Variants in ANK3 observed in about 807,000 individuals in gnomAD.
ANK3 encodes the protein ankyrin 3.
Under a neutral mutation model 370.9 loss-of-function variants are expected in ANK3, and 57 were observed. That is an observed-to-expected ratio of 0.15 (90% CI 0.12 to 0.19). The LOEUF is 0.19. Ranked by LOEUF, ANK3 falls within the 10% of genes least tolerant of loss-of-function variation. ANK3 has a pLI of 1.00. For missense variants in ANK3, 4,439 were observed against 5,302.1 expected, an observed-to-expected ratio of 0.84 and a Z score of 5.06; for synonymous variants, 1,929 against 1,946.3, an observed-to-expected ratio of 0.99 and a Z score of 0.23.
At chr10:60,563,922 A>T (rs966865636) in intron 2 of ANK3, among the ~76,000 whole-genome samples, 2 of 152,226 alleles carry the variant, frequency 1.3e-5, no homozygotes, top group African/African-American at 4.8e-5. Flanking sequence ...TGAAATTCTG[A>T]TATCAAGAAG....
intron 1 of ANK3, chr10:60,615,304 C>T (rs1424507437): frequency 5.2e-6 from 5 of 956,026 alleles, no homozygotes; most frequent in African/African-American, 3.4e-5. Context: ...TACACATGCA[C>T]ATTATTAATT....
At chr10:60,390,662 C>T (rs978121543), upstream of ANK3, among the ~76,000 whole-genome samples, 44 of 150,990 alleles carry the variant, frequency 2.9e-4, no homozygotes, top group African/African-American at 9.7e-4. Context: ...TCACAGTAAG[C>T]GCTTTAGCAA....
At chr10:60,202,626 G>T (rs2096701475) in intron 12 of ANK3, among the ~76,000 whole-genome samples, 1 of 152,070 alleles carries the variant, frequency 6.6e-6, no homozygotes, top group Non-Finnish European at 1.5e-5. Context: ...TAACAATAAG[G>T]CCGGGCATGG....
chr10:60,242,265 C>T (rs1304827956), intron 7 of ANK3, among the ~76,000 whole-genome samples: 1 of 152,134 alleles, frequency 6.6e-6, no homozygotes, highest in South Asian at 2.1e-4. Flanking sequence ...AAACTAAGAT[C>T]ACTTATGATT....
intron 2 of ANK3, among the ~76,000 whole-genome samples, chr10:60,454,239 G>A (rs927830136): frequency 6.6e-6 from 1 of 152,102 alleles, no homozygotes; most frequent in Non-Finnish European, 1.5e-5. Flanking sequence ...TGATAACGTC[G>A]TTCTGTCTTC....
intron 1 of ANK3, among the ~76,000 whole-genome samples, chr10:60,728,635 C>G (rs2079976581): frequency 6.6e-6 from 1 of 152,052 alleles, no homozygotes; most frequent in South Asian, 2.1e-4. Context: ...TTTTTTCCAA[C>G]CCTCTCCTTC....
Position 60,071,794 on chromosome 10 carries a change from C to T in ANK3, c.9087G>A (p.Gln3029=). ...GAGGTGGGCATAAACCTACATAACT[C>T]TGGTGTTTGGAAACTTTGCTGATTT... ...YSEISKVSKH[Q]SYVGLCPPLE... The change falls in exon 37 of 44, where the codon CAG becomes CAA. Residue 3029 remains glutamine, a synonymous_variant. Transcript: ENST00000280772. The T allele has an allele frequency of 6.2e-7, 1 of 1,608,748 alleles. No homozygotes were observed. The highest frequency in any genetic ancestry group is 8.5e-7 in the Non-Finnish European group (1 of 1,177,426).
intron 2 of ANK3, among the ~76,000 whole-genome samples, chr10:60,521,287 AT>A (rs1402611838): frequency 2.0e-5 from 3 of 152,212 alleles, no homozygotes; most frequent in South Asian, 2.1e-4. Context: ...ATTGCAACTA[AT>A]TTTTTTAAAT....
intron 2 of ANK3, among the ~76,000 whole-genome samples, chr10:60,606,025 A>G (rs1240423846): frequency 6.6e-6 from 1 of 152,154 alleles, no homozygotes; most frequent in Non-Finnish European, 1.5e-5. Flanking sequence ...TCTGTCTATA[A>G]AGAAGTTCTT....
Position 60,166,643 on chromosome 10 carries a change from G to T in ANK3, c.2562C>A (p.Ala854=). ...LDMSDDEVRK[A]NAPEMLSDGE... is the part of the protein sequence containing the mutation. Reference sequence around the variant, plus strand: ...CATCACTGAGCATTTCAGGGGCATTGGCTTTACGAACTGCATGATTGAAGT... The same window carrying T: ...CATCACTGAGCATTTCAGGGGCATTTGCTTTACGAACTGCATGATTGAAGT... Residue 854 remains alanine, a synonymous_variant, in exon 23 of 44, where the codon GCC becomes GCA. Coordinates refer to ENST00000280772, the MANE Select transcript of ANK3 (RefSeq NM_020987.5). 6.2e-7 allele frequency: 1 copy of T among 1,613,680 alleles called. No homozygotes were observed. The highest frequency in any genetic ancestry group is 8.5e-7 in the Non-Finnish European group (1 of 1,179,762).
intron 1 of ANK3, among the ~76,000 whole-genome samples, chr10:60,658,955 G>A (rs1388985150): frequency 1.3e-5 from 2 of 151,650 alleles, no homozygotes; most frequent in African/African-American, 4.8e-5. Context: ...AAAGAGGCAG[G>A]CAGGAGGAGA....
intron 7 of ANK3, among the ~76,000 whole-genome samples, chr10:60,252,844 C>A (rs920816694): frequency 2.6e-5 from 4 of 152,232 alleles, no homozygotes; most frequent in African/African-American, 9.6e-5. Context: ...TGACCTGCGT[C>A]ATGCTTTACA....
At chr10:60,032,098 C>A (rs1233396984) in intron 43 of ANK3, among the ~76,000 whole-genome samples, 1 of 151,216 alleles carries the variant, frequency 6.6e-6, no homozygotes, top group Non-Finnish European at 1.5e-5. Flanking sequence ...TTACTACAGT[C>A]TCACTCCCTG....
intron 1 of ANK3, among the ~76,000 whole-genome samples, chr10:60,712,165 GTGAGACCCCC>G (rs1327654230): frequency 2.0e-5 from 3 of 152,128 alleles, no homozygotes; most frequent in Non-Finnish European, 2.9e-5. Context: ...AGGCAACATA[GTGAGACCCCC>G]CCAGTCTCTA....
At chr10:60,104,300 G>GTGAGC (rs2091811706) in intron 28 of ANK3, among the ~76,000 whole-genome samples, 1 of 142,592 alleles carries the variant, frequency 7.0e-6, no homozygotes, top group Admixed American at 7.3e-5. Context: ...GGACGTTGCA[G>GTGAGC]TGAGCTGAGA....
intron 2 of ANK3, among the ~76,000 whole-genome samples, chr10:60,464,279 C>T (rs1307087235): frequency 6.6e-6 from 1 of 152,142 alleles, no homozygotes; most frequent in Non-Finnish European, 1.5e-5. Flanking sequence ...TGGTTTTCTT[C>T]TCATCTTTAC....
intron 2 of ANK3, among the ~76,000 whole-genome samples, chr10:60,433,964 T>C (rs549952337): frequency 6.6e-6 from 1 of 152,338 alleles, no homozygotes; most frequent in Non-Finnish European, 1.5e-5. Flanking sequence ...ACTTGGCATG[T>C]GCTAAACAGA....
At chr10:60,629,947 AT>A (rs2078460247) in intron 1 of ANK3, among the ~76,000 whole-genome samples, 1 of 152,052 alleles carries the variant, frequency 6.6e-6, no homozygotes, top group South Asian at 2.1e-4. Flanking sequence ...TTTAGATTTT[AT>A]TTTTTATTAT....
intron 18 of ANK3, among the ~76,000 whole-genome samples, chr10:60,174,770 C>T (rs548474981): frequency 1.3e-5 from 2 of 152,218 alleles, no homozygotes; most frequent in East Asian, 3.9e-4. Flanking sequence ...CAGGGTCTTG[C>T]TCTGTCACCA....
Sources: gnomAD v4.1 joint callset for allele counts (sites outside exome capture counted in the v4.1 genomes callset) on GRCh38, gnomAD v4.1.1 for gene constraint, MANE v1.5 for transcripts, NCBI Gene and HGNC (gene_info 2026-07-23, HGNC 2026-07-21) for gene names.